CIMIP6: variants seen among roughly 807,000 people sequenced by gnomAD.
CIMIP6 encodes the protein ciliary microtubule inner protein 6.
the CIMIP6 span, chr2:54,383,351 A>G: frequency 6.6e-6 from 1 of 152,246 alleles, no homozygotes; most frequent in Non-Finnish European, 1.5e-5. Flanking sequence ...TACCTGTCAT[A>G]AACAGATAAC....
the CIMIP6 span, chr2:54,335,108 G>T: frequency 1.9e-6 from 2 of 1,041,146 alleles, no homozygotes; most frequent in South Asian, 1.7e-5. Flanking sequence ...GACTATAAAG[G>T]ATGAGACACA....
the CIMIP6 span, among the ~76,000 whole-genome samples, chr2:54,345,210 C>A: frequency 6.6e-6 from 1 of 152,070 alleles, no homozygotes; most frequent in African/African-American, 2.4e-5. Flanking sequence ...GCAGGGGAGC[C>A]TTCATAAGGA....
At chr2:54,372,565 C>T in the CIMIP6 span, among the ~76,000 whole-genome samples, 1 of 152,124 alleles carries the variant, frequency 6.6e-6, no homozygotes, top group South Asian at 2.1e-4. Flanking sequence ...CATAAAAGTC[C>T]ACCATGTAAG....
At chr2:54,336,595 A>G in the CIMIP6 span, among the ~76,000 whole-genome samples, 1 of 152,142 alleles carries the variant, frequency 6.6e-6, no homozygotes, top group Non-Finnish European at 1.5e-5. Context: ...ACAGCAGTGA[A>G]TAAAGTAAAT....
chr2:54,338,265 G>A, the CIMIP6 span, among the ~76,000 whole-genome samples: 5 of 151,868 alleles, frequency 3.3e-5, no homozygotes, highest in Middle Eastern at 3.2e-3. Context: ...GAGACCGAGC[G>A]CTACAAAAAT....
the CIMIP6 span, chr2:54,382,049 A>G: frequency 7.0e-7 from 1 of 1,428,948 alleles, no homozygotes; most frequent in Admixed American, 3.1e-5. Flanking sequence ...TAGGTAGCTC[A>G]CTCCCTAAGT....
chr2:54,365,133 C>G, the CIMIP6 span, among the ~76,000 whole-genome samples: 2 of 152,184 alleles, frequency 1.3e-5, no homozygotes, highest in Non-Finnish European at 2.9e-5. Context: ...TCTGGGTTAT[C>G]TCCTCCCATT....
the CIMIP6 span, among the ~76,000 whole-genome samples, chr2:54,381,329 C>T: frequency 1.3e-5 from 2 of 152,168 alleles, no homozygotes; most frequent in African/African-American, 2.4e-5. Flanking sequence ...TGATGTTGAG[C>T]GAGTTGTTAC....
At chr2:54,377,855 T>A in the CIMIP6 span, among the ~76,000 whole-genome samples, 1 of 152,210 alleles carries the variant, frequency 6.6e-6, no homozygotes, top group Non-Finnish European at 1.5e-5. Flanking sequence ...CTTCATTTAA[T>A]AATATTTATT....
chr2:54,362,566 G>T, the CIMIP6 span, among the ~76,000 whole-genome samples: 3 of 152,018 alleles, frequency 2.0e-5, no homozygotes, highest in Non-Finnish European at 2.9e-5. Flanking sequence ...GTGGTTTTTT[G>T]TTTTGAGGCA....
chr2:54,377,743 G>A, the CIMIP6 span, among the ~76,000 whole-genome samples: 5 of 141,602 alleles, frequency 3.5e-5, no homozygotes, highest in Admixed American at 2.1e-4. Flanking sequence ...TGGGCTTGGC[G>A]TCGGGGCTGG....
chr2:54,360,333 ACT>A, the CIMIP6 span: 4 of 1,611,132 alleles, frequency 2.5e-6, no homozygotes, highest in Non-Finnish European at 3.4e-6. Flanking sequence ...GAGAAAGGAA[ACT>A]CAGCGGAAAG....
the CIMIP6 span, among the ~76,000 whole-genome samples, chr2:54,352,691 T>C: frequency 6.6e-6 from 1 of 152,202 alleles, no homozygotes; most frequent in Admixed American, 6.5e-5. Context: ...AATCCACAGA[T>C]GTTCAAGTTC....
chr2:54,334,980 G>C, the CIMIP6 span: 18 of 1,605,430 alleles, frequency 1.1e-5, no homozygotes, highest in Non-Finnish European at 1.5e-5. Flanking sequence ...AACATACAAT[G>C]AACCATTTCC....
chr2:54,363,611 G>A, the CIMIP6 span, among the ~76,000 whole-genome samples: 2 of 152,050 alleles, frequency 1.3e-5, no homozygotes, highest in Admixed American at 6.6e-5. Context: ...TCTTCTAAAC[G>A]TGAGTTCTTT....
chr2:54,377,984 T>C, the CIMIP6 span, among the ~76,000 whole-genome samples: 55 of 152,318 alleles, frequency 3.6e-4, no homozygotes, highest in African/African-American at 1.3e-3. Context: ...GAACAGGAGC[T>C]TAGTACATGT....
the CIMIP6 span, among the ~76,000 whole-genome samples, chr2:54,364,655 T>A: frequency 6.5e-3 from 987 of 152,298 alleles, 9 homozygotes; most frequent in African/African-American, 0.022. Flanking sequence ...AACAGGGCAA[T>A]GCTGGCCCAT....
the CIMIP6 span, among the ~76,000 whole-genome samples, chr2:54,374,374 G>T: frequency 6.6e-6 from 1 of 152,186 alleles, no homozygotes; most frequent in African/African-American, 2.4e-5. Context: ...AAATTTGAGT[G>T]ATCTGATTGA....
chr2:54,375,713 G>T, the CIMIP6 span, among the ~76,000 whole-genome samples: 1 of 152,122 alleles, frequency 6.6e-6, no homozygotes, highest in Non-Finnish European at 1.5e-5. Flanking sequence ...TGTCCACAAG[G>T]GAACTTTTAA....
Sources: gnomAD v4.1 joint callset for allele counts (sites outside exome capture counted in the v4.1 genomes callset) on GRCh38, gnomAD v4.1.1 for gene constraint, MANE v1.5 for transcripts, NCBI Gene and HGNC (gene_info 2026-07-23, HGNC 2026-07-21) for gene names.